Variants in CTXND1 observed in about 807,000 individuals in gnomAD.
The protein encoded by CTXND1 is cortexin domain-containing 1 protein.
At chr15:80,227,952 T>C (rs1429720885) in intron 1 of CTXND1, among the ~76,000 whole-genome samples, 1 of 152,232 alleles carries the variant, frequency 6.6e-6, no homozygotes, top group East Asian at 1.9e-4. Flanking sequence ...TCACCCACAG[T>C]AGAACTTCTT....
At chr15:80,203,065 G>A (rs565880420) in intron 2 of CTXND1, among the ~76,000 whole-genome samples, 2 of 152,350 alleles carry the variant, frequency 1.3e-5, no homozygotes, top group South Asian at 4.1e-4. Context: ...CCTGGCTCCA[G>A]TGGATGGTCA....
intron 1 of CTXND1, among the ~76,000 whole-genome samples, chr15:80,239,656 T>A (rs1893542457): frequency 6.6e-6 from 1 of 152,192 alleles, no homozygotes; most frequent in East Asian, 1.9e-4. Context: ...ATTGTGTAAG[T>A]TAATACTTAA....
Position 80,196,341 on chromosome 15 carries a change from T to C in CTXND1, c.*5429A>G, listed in dbSNP as rs2142117281. 6.6e-6 allele frequency: 1 copy of C among 152,334 alleles called. No homozygotes were observed. The highest frequency in any genetic ancestry group is 1.5e-5 in the Non-Finnish European group (1 of 68,044). The allele number at this position is 152,334 out of a possible 1,614,324, so 9.4% of individuals were successfully genotyped here. A position where few individuals can be genotyped will look rare whatever the true frequency, so the allele number is the denominator to read the frequency against. ...TGGCAACTCATTGAAGACACGGCAC[T>C]AAGAATTTGAATCCTCTGTGGATGA... On this transcript the variant is annotated 3_prime_UTR_variant, in exon 3 of 3. Coordinates refer to ENST00000560778, the MANE Select transcript of CTXND1 (RefSeq NM_001352888.2).
intron 1 of CTXND1, among the ~76,000 whole-genome samples, chr15:80,207,027 CT>C (rs752760303): frequency 1.3e-5 from 2 of 152,190 alleles, no homozygotes; most frequent in Non-Finnish European, 2.9e-5. Flanking sequence ...ATATTTTTCT[CT>C]GCCTGCCTTA....
In CTXND1 at chr15:80,218,971, G is replaced by A. The variant is rs535430471; in HGVS notation, c.-217-15231C>T. 1.6e-4 allele frequency among the ~76,000 whole-genome samples: 23 copies of A among 147,306 alleles called. 1 individual carries two copies. The highest frequency in any genetic ancestry group is 2.1e-4 in the South Asian group (1 of 4,674). ...TTTTGAGACAGGGTCTTGTGCTGTC[G>A]CCCAGGCTGGGGTGCAGTGGTGTCA... On this transcript the variant is annotated intron_variant, in intron 1 of 2. Coordinates refer to ENST00000560778, the MANE Select transcript of CTXND1 (RefSeq NM_001352888.2).
At chr15:80,250,677 C>T (rs1051317174) in intron 1 of CTXND1, among the ~76,000 whole-genome samples, 4 of 152,174 alleles carry the variant, frequency 2.6e-5, no homozygotes, top group African/African-American at 9.7e-5. Flanking sequence ...TTCCCAAGGA[C>T]GTAAGGTTTT....
Position 80,200,973 on chromosome 15 carries a change from C to T in CTXND1, c.*797G>A, listed in dbSNP as rs1475737553. ...TGTTTGATGTAATGGGGAAGTATTC[C>T]TGCTATCATATGAGGCGATACAACA... On this transcript the variant is annotated 3_prime_UTR_variant, in exon 3 of 3. Transcript: ENST00000560778. 6.6e-6 allele frequency: 1 copy of T among 152,084 alleles called. No individual in the cohort carries two copies. The highest frequency in any genetic ancestry group is 1.5e-5 in the Non-Finnish European group (1 of 68,000). 9.4% of individuals were successfully genotyped at this position (152,084 alleles called of 1,614,324 possible). A position where few individuals can be genotyped will look rare whatever the true frequency, so the allele number is the denominator to read the frequency against.
intron 1 of CTXND1, among the ~76,000 whole-genome samples, chr15:80,220,969 C>T (rs1174929560): frequency 2.0e-5 from 3 of 149,736 alleles, no homozygotes; most frequent in African/African-American, 7.4e-5. Flanking sequence ...AGTGCAGTGG[C>T]GCGATCTCTG....
At chr15:80,216,807 G>A (rs1343542896) in intron 1 of CTXND1, among the ~76,000 whole-genome samples, 2 of 152,000 alleles carry the variant, frequency 1.3e-5, no homozygotes, top group African/African-American at 2.4e-5. Context: ...TAGAGATGGG[G>A]TTTCATCATA....
At chr15:80,225,222 C>A (rs778157176) in intron 1 of CTXND1, among the ~76,000 whole-genome samples, 13 of 152,168 alleles carry the variant, frequency 8.5e-5, no homozygotes, top group South Asian at 2.1e-4. Context: ...TTTTATTTTT[C>A]TTTCCATTGT....
At chr15:80,250,489 T>C (rs1893680731) in intron 1 of CTXND1, among the ~76,000 whole-genome samples, 1 of 152,272 alleles carries the variant, frequency 6.6e-6, no homozygotes, top group Non-Finnish European at 1.5e-5. Context: ...TTATGCTCTA[T>C]GCATTCATTA....
intron 1 of CTXND1, among the ~76,000 whole-genome samples, chr15:80,238,702 C>T (rs1397033594): frequency 1.3e-5 from 2 of 152,148 alleles, no homozygotes; most frequent in Non-Finnish European, 2.9e-5. Flanking sequence ...GTCTCGATCT[C>T]CTGACCTCGT....
At chr15:80,223,334 G>A (rs146260965) in intron 1 of CTXND1, among the ~76,000 whole-genome samples, 204 of 152,272 alleles carry the variant, frequency 1.3e-3, no homozygotes, top group African/African-American at 4.6e-3. Context: ...TGGGATTATA[G>A]GCCTGAGCCA....
Position 80,234,501 on chromosome 15 carries a change from G to C in CTXND1, c.-218+17506C>G, listed in dbSNP as rs559855549. On this transcript the variant is annotated intron_variant, in intron 1 of 2. Coordinates refer to ENST00000560778, the MANE Select transcript of CTXND1 (RefSeq NM_001352888.2). The stretch of plus-strand genomic sequence containing the variant: ...CTTTTTTTTTTTTTTTTTCTGAGAG[G>C]AAGTTTCACTCTGTCACCCAGGCTA... 8.2e-5 allele frequency among the ~76,000 whole-genome samples: 12 copies of C among 145,606 alleles called. No homozygotes were observed. The South Asian group carries it at 2.2e-3, about 27-fold the overall frequency.
chr15:80,210,374 T>A (rs1893192565), intron 1 of CTXND1, among the ~76,000 whole-genome samples: 1 of 152,226 alleles, frequency 6.6e-6, no homozygotes, highest in Admixed American at 6.5e-5. Context: ...CCACCTTCAA[T>A]CTGCTTTATT....
chr15:80,245,474 G>A (rs2141466065), intron 1 of CTXND1, among the ~76,000 whole-genome samples: 1 of 152,322 alleles, frequency 6.6e-6, no homozygotes, highest in Admixed American at 6.5e-5. Flanking sequence ...GGTTGGGACA[G>A]CTGGCTCCTG....
chr15:80,213,942 C>T lies in CTXND1; in HGVS notation c.-217-10202G>A, dbSNP rs1400973641. Among the ~76,000 whole-genome samples the T allele has an allele frequency of 1.0e-4, 14 of 133,344 alleles. No individual in the cohort carries two copies. In the East Asian group the frequency reaches 1.4e-3, roughly 13 times the overall value. The allele number at this position is 133,344 out of a possible 152,430, so 87.5% of individuals were successfully genotyped here. A position where few individuals can be genotyped will look rare whatever the true frequency, so the allele number is the denominator to read the frequency against. ...AAGAGTTACCTCTACCACTAAGAGA[C>T]GAATCAAAGTGAATAAATGAAGGGA... On this transcript the variant is annotated intron_variant, in intron 1 of 2. Coordinates refer to ENST00000560778, the MANE Select transcript of CTXND1 (RefSeq NM_001352888.2).
rs186294329 is a variant in CTXND1 at position 80,241,136 on chromosome 15, G to A, written c.-218+10871C>T. On this transcript the variant is annotated intron_variant, in intron 1 of 2. Transcript: ENST00000560778. ...AACAAAGAGATGGGGGCAACTACCG[G>A]CCAACAAGAGCTAAGCGATGGAGGT... Among the ~76,000 whole-genome samples, 29 of 152,264 alleles carry A rather than the reference G, an allele frequency of 1.9e-4. No individual in the cohort carries two copies. In the East Asian group the frequency reaches 5.2e-3, roughly 27 times the overall value.
rs2041424507 is a variant in CTXND1, at chr15:80,197,174, A to G, written c.*4596T>C. ...TGGACTCAAGTGATCCTCCCACCTC[A>G]GACTCCTGAGTAGCTGGGACTATAG... On this transcript the variant is annotated 3_prime_UTR_variant, in exon 3 of 3. Coordinates refer to ENST00000560778, the MANE Select transcript of CTXND1 (RefSeq NM_001352888.2). The G allele has an allele frequency of 6.6e-6, 1 of 152,194 alleles. No homozygotes were observed. The allele number at this position is 152,194 out of a possible 1,614,324, so 9.4% of individuals were successfully genotyped here.
Sources: gnomAD v4.1 joint callset for allele counts (sites outside exome capture counted in the v4.1 genomes callset) on GRCh38, gnomAD v4.1.1 for gene constraint, MANE v1.5 for transcripts, NCBI Gene and HGNC (gene_info 2026-07-23, HGNC 2026-07-21) for gene names.